The following ARID4B variants were observed in gnomAD, a reference collection of about 807,000 sequenced individuals.
ARID4B encodes AT-rich interactive domain-containing protein 4B.
Under a neutral mutation model 147.5 loss-of-function variants are expected in ARID4B, and 26 were observed. The ratio of observed to expected loss-of-function variants is 0.18; its 90% CI spans 0.13 to 0.24. ARID4B has a LOEUF of 0.24. ARID4B is among the 10% of genes least tolerant of loss of function. The probability of loss-of-function intolerance (pLI) is 1.00; values close to 1 mark genes in which losing one functional copy is unlikely to be tolerated. For missense variants in ARID4B, 1,179 were observed against 1,511.5 expected (o/e 0.78, Z 3.65); for synonymous variants, 512 against 507.9 (o/e 1.01, Z -0.11).
intron 19 of ARID4B, among the ~76,000 whole-genome samples, chr1:235,184,047 G>C (rs1291901345): frequency 6.6e-6 from 1 of 152,112 alleles, no homozygotes; most frequent in East Asian, 1.9e-4. Flanking sequence ...CCAAAGTGCT[G>C]AGATTAAAGG....
chr1:235,223,382 T>TATACACGTATATATATATATATAC lies in ARID4B; in HGVS notation c.971-123_971-122insGTATATATATATATATACGTGTAT, dbSNP rs71172272. 1.4e-3 allele frequency: 307 copies of TATACACGTATATATATATATATAC among 214,060 alleles called. 4 individuals carry two copies. The highest frequency in any genetic ancestry group is 5.2e-3 in the East Asian group (53 of 10,194). The allele number at this position is 214,060 out of a possible 1,614,324, so 13.3% of individuals were successfully genotyped here. On this transcript the variant is annotated intron_variant, in intron 12 of 23. Transcript: ENST00000264183. ...ATATATATACACGTATATATATATA[T>TATACACGTATATATATATATATAC]ACACGTATATATATGTGTGTGTATA...
chr1:235,236,838 A>ATATATATATATATATGTATGTG (rs1668612063), intron 8 of ARID4B, among the ~76,000 whole-genome samples: 1 of 27,894 alleles, frequency 3.6e-5, no homozygotes, highest in Non-Finnish European at 7.1e-5. Flanking sequence ...TAAAAAATAT[A>ATATATATATATATATGTATGTG]TATATATATA....
At chr1:235,209,671 C>A (rs1666580676) in intron 17 of ARID4B, among the ~76,000 whole-genome samples, 1 of 149,200 alleles carries the variant, frequency 6.7e-6, no homozygotes, top group Non-Finnish European at 1.5e-5. Context: ...TCAAGTCATT[C>A]TCATGCCTCA....
At chr1:235,220,044 A>T in intron 15 of ARID4B, 76 bp from the exon 16 acceptor site, 1 of 971,234 alleles carries the variant, frequency 1.0e-6, no homozygotes. Flanking sequence ...TCTCTTAGCA[A>T]CAGGAGGTAT....
At chr1:235,215,857 G>A (rs1414329827) in intron 16 of ARID4B, among the ~76,000 whole-genome samples, 2 of 151,474 alleles carry the variant, frequency 1.3e-5, no homozygotes, top group African/African-American at 4.9e-5. Flanking sequence ...CCAAAGTGCT[G>A]GGATTATAGG....
At chr1:235,254,499 A>G (rs1669829240) in intron 5 of ARID4B, among the ~76,000 whole-genome samples, 1 of 151,948 alleles carries the variant, frequency 6.6e-6, no homozygotes, top group South Asian at 2.1e-4. Flanking sequence ...AAAGTATAAA[A>G]AATTTGAAGA....
chr1:235,169,233 T>G (rs1663152377), intron 23 of ARID4B, among the ~76,000 whole-genome samples: 1 of 152,052 alleles, frequency 6.6e-6, no homozygotes, highest in South Asian at 2.1e-4. Flanking sequence ...TTTTTTCGTT[T>G]TTTTTTGTTT....
chr1:235,253,668 C>T (rs980231548), intron 5 of ARID4B, among the ~76,000 whole-genome samples: 2 of 151,988 alleles, frequency 1.3e-5, no homozygotes, highest in Non-Finnish European at 2.9e-5. Flanking sequence ...CCAGCAAAAC[C>T]ACCATAAGTT....
chr1:235,286,541 G>A (rs781705099), intron 2 of ARID4B, among the ~76,000 whole-genome samples: 1 of 152,194 alleles, frequency 6.6e-6, no homozygotes, highest in Non-Finnish European at 1.5e-5. Flanking sequence ...GGATCTCAGA[G>A]AAGGATACCT....
chr1:235,187,480 T>C (rs937705935), intron 19 of ARID4B, among the ~76,000 whole-genome samples: 17 of 152,204 alleles, frequency 1.1e-4, no homozygotes, highest in Non-Finnish European at 1.5e-5. Flanking sequence ...GTTAGTAGGA[T>C]TTATTAACTG....
intron 2 of ARID4B, among the ~76,000 whole-genome samples, chr1:235,277,502 G>A (rs562741236): frequency 1.3e-5 from 2 of 148,818 alleles, no homozygotes; most frequent in South Asian, 4.2e-4. Context: ...TCCCGCCACT[G>A]CACTCCAGCC....
intron 14 of ARID4B, 53 bp downstream of exon 14, chr1:235,221,512 C>A: frequency 9.5e-7 from 1 of 1,049,054 alleles, no homozygotes. Flanking sequence ...AAATTTCATC[C>A]TGCTTTCTAG....
At chr1:235,229,830 G>GT (rs1382411453) in intron 10 of ARID4B, among the ~76,000 whole-genome samples, 1 of 152,088 alleles carries the variant, frequency 6.6e-6, no homozygotes, top group African/African-American at 2.4e-5. Context: ...ATTTTCAGTT[G>GT]AACTTCAATT....
chr1:235,210,022 G>A (rs1258883535), intron 17 of ARID4B, among the ~76,000 whole-genome samples: 1 of 152,078 alleles, frequency 6.6e-6, no homozygotes, highest in South Asian at 2.1e-4. Flanking sequence ...GAGCCCAGGA[G>A]TTTGAAACCA....
At chr1:235,207,205 T>C (rs1364840529) in intron 17 of ARID4B, among the ~76,000 whole-genome samples, 1 of 152,038 alleles carries the variant, frequency 6.6e-6, no homozygotes, top group Non-Finnish European at 1.5e-5. Flanking sequence ...AAAATGAGGA[T>C]AGGGAAGAGA....
At chr1:235,293,037 C>T (rs1008355076) in intron 2 of ARID4B, among the ~76,000 whole-genome samples, 1 of 152,176 alleles carries the variant, frequency 6.6e-6, no homozygotes, top group Non-Finnish European at 1.5e-5. Context: ...CCAAAACCTA[C>T]AGGGCAGCAA....
chr1:235,266,574 C>T (rs1313723557), intron 2 of ARID4B, among the ~76,000 whole-genome samples: 2 of 152,126 alleles, frequency 1.3e-5, no homozygotes, highest in African/African-American at 2.4e-5. Context: ...ACGAAATGTC[C>T]TAAGTGGCAC....
rs28564214 is a variant in ARID4B at position 235,191,252 on chromosome 1, A to T, written c.2125+2761T>A. Among the ~76,000 whole-genome samples, 123 of 46,144 alleles carry T rather than the reference A, an allele frequency of 2.7e-3. 2 individuals carry two copies. The highest frequency in any genetic ancestry group is 8.8e-3 in the Middle Eastern group (1 of 114). The allele number at this position is 46,144 out of a possible 152,430, so 30.3% of individuals were successfully genotyped here. On this transcript the variant is annotated intron_variant, in intron 19 of 23. Coordinates refer to ENST00000264183, the MANE Select transcript of ARID4B (RefSeq NM_016374.6). Reference sequence around the variant, plus strand: ...TGCGAATGTGTCACATATTCTTTTTATTTTATTTTTTTTAAGATGGAGTTT... The same window carrying T: ...TGCGAATGTGTCACATATTCTTTTTTTTTTATTTTTTTTAAGATGGAGTTT...
chr1:235,171,452 C>G (rs1663358508), intron 23 of ARID4B, among the ~76,000 whole-genome samples: 1 of 152,054 alleles, frequency 6.6e-6, no homozygotes, highest in Admixed American at 6.6e-5. Context: ...AGAATGATAC[C>G]TTATTTGATT....
Sources: gnomAD v4.1 joint callset for allele counts (sites outside exome capture counted in the v4.1 genomes callset) on GRCh38, gnomAD v4.1.1 for gene constraint, MANE v1.5 for transcripts, NCBI Gene and HGNC (gene_info 2026-07-23, HGNC 2026-07-21) for gene names.